The following DENND5A variants were observed in gnomAD, a reference collection of about 807,000 sequenced individuals.
DENND5A encodes the protein DENN domain-containing protein 5A.
Under a neutral mutation model 140.3 loss-of-function variants are expected in DENND5A, and 64 were observed. The ratio of observed to expected loss-of-function variants is 0.46; its 90% CI spans 0.37 to 0.56. The LOEUF is 0.56. Ranked by LOEUF, DENND5A falls within the 20% of genes least tolerant of loss-of-function variation. DENND5A has a pLI of 0.00. For synonymous variants in DENND5A, 605 were observed against 607.7 expected (o/e 1.00, Z 0.07); for missense variants, 1,292 against 1,593.8 (o/e 0.81, Z 3.22).
At chr11:9,210,578 C>G (rs1362288325) in intron 1 of DENND5A, among the ~76,000 whole-genome samples, 2 of 152,192 alleles carry the variant, frequency 1.3e-5, no homozygotes, top group Non-Finnish European at 2.9e-5. Flanking sequence ...AGGTCACACT[C>G]TGTTGCCCAG....
At chr11:9,184,051 CA>C (rs913339408) in intron 5 of DENND5A, among the ~76,000 whole-genome samples, 69 of 138,118 alleles carry the variant, frequency 5.0e-4, no homozygotes, top group South Asian at 6.9e-4. Context: ...AACTCCATCT[CA>C]AAAAAAAAAA....
intron 1 of DENND5A, among the ~76,000 whole-genome samples, chr11:9,244,102 T>C (rs1267046423): frequency 6.6e-6 from 1 of 152,180 alleles, no homozygotes; most frequent in Non-Finnish European, 1.5e-5. Flanking sequence ...AGAGAATTAG[T>C]GCCCCTAACC....
chr11:9,248,633 A>C (rs1243861578), intron 1 of DENND5A, among the ~76,000 whole-genome samples: 1 of 151,174 alleles, frequency 6.6e-6, no homozygotes, highest in East Asian at 2.0e-4. Context: ...CAGCCTGGGC[A>C]AAAGAGAGGG....
intron 20 of DENND5A, 29 bp downstream of exon 20, chr11:9,143,374 G>A (rs746789183): frequency 6.3e-7 from 1 of 1,576,844 alleles, no homozygotes; most frequent in Non-Finnish European, 8.7e-7. Context: ...TCAATGTAAG[G>A]CCCTGGATTG....
chr11:9,236,145 C>G (rs948075781), intron 1 of DENND5A, among the ~76,000 whole-genome samples: 3 of 151,796 alleles, frequency 2.0e-5, no homozygotes, highest in African/African-American at 7.3e-5. Context: ...ATCACATGAG[C>G]CCAGGAGGTC....
At chr11:9,221,919 G>A (rs61877902) in intron 1 of DENND5A, among the ~76,000 whole-genome samples, 18,346 of 151,716 alleles carry the variant, frequency 0.12, 1,164 homozygotes, top group South Asian at 0.16. Context: ...CACCACGCCC[G>A]GCTAATTTTT....
intron 5 of DENND5A, among the ~76,000 whole-genome samples, chr11:9,189,974 C>T (rs1027051575): frequency 2.6e-5 from 4 of 152,306 alleles, no homozygotes; most frequent in Middle Eastern, 3.4e-3. Flanking sequence ...GTGACCTGGA[C>T]GTGAGACACG....
chr11:9,226,900 G>A (rs1445482938), intron 1 of DENND5A, among the ~76,000 whole-genome samples: 1 of 152,148 alleles, frequency 6.6e-6, no homozygotes, highest in Non-Finnish European at 1.5e-5. Context: ...CGAGAGTGGT[G>A]ACTCACACCT....
At chr11:9,220,319 G>A (rs958491856) in intron 1 of DENND5A, among the ~76,000 whole-genome samples, 8 of 152,046 alleles carry the variant, frequency 5.3e-5, no homozygotes, top group East Asian at 1.9e-4. Flanking sequence ...AGGCCGACGC[G>A]GGCAGATCAC....
At chr11:9,165,701 T>A (rs182577801) in intron 11 of DENND5A, 135 bp downstream of exon 11, 2 of 1,076,850 alleles carry the variant, frequency 1.9e-6, no homozygotes, top group Non-Finnish European at 2.7e-6. Flanking sequence ...CCCAAAGTGT[T>A]GGGATTACAG....
chr11:9,239,994 T>G (rs567779469), intron 1 of DENND5A, among the ~76,000 whole-genome samples: 87 of 152,290 alleles, frequency 5.7e-4, no homozygotes, highest in African/African-American at 1.9e-3. Flanking sequence ...TTGTTCAGGG[T>G]CACACCCAGA....
intron 6 of DENND5A, 137 bp downstream of exon 6, chr11:9,180,630 C>T (rs906518367): frequency 2.5e-5 from 20 of 802,578 alleles, no homozygotes; most frequent in Non-Finnish European, 3.8e-5. Context: ...TTCAGAGTCC[C>T]CCATACAGAA....
At chr11:9,222,638 A>C (rs1850358877) in intron 1 of DENND5A, among the ~76,000 whole-genome samples, 1 of 152,244 alleles carries the variant, frequency 6.6e-6, no homozygotes, top group Non-Finnish European at 1.5e-5. Flanking sequence ...GCCAGACATA[A>C]GATCAGAGAA....
rs147036102 is a variant in DENND5A at position 9,184,493 on chromosome 11, G to A, written c.1138-3409C>T. Among the ~76,000 whole-genome samples the A allele has an allele frequency of 4.4e-3, 676 of 152,302 alleles. 1 individual carries two copies. Among genetic ancestry groups the A allele is most frequent in the Non-Finnish European group, 7.4e-3 (501 of 68,028 alleles). ...GTAGAACCACAGTGTTGTAAGGTAT[G>A]CAAATATCCCACTTTAGAAAATGAT... On this transcript the variant is annotated intron_variant, in intron 5 of 22. Transcript: ENST00000328194.
Position 9,255,182 on chromosome 11 carries a change from A to G in DENND5A, c.109+9779T>C, listed in dbSNP as rs192272701. Among the ~76,000 whole-genome samples the G allele has an allele frequency of 4.5e-3, 691 of 152,364 alleles. 2 individuals are homozygous for G. The highest frequency in any genetic ancestry group is 5.7e-3 in the Non-Finnish European group (387 of 68,032). Reference sequence around the variant, plus strand: ...CTTACAGCCACTAAGATGGCTATAAACCAATAGATAAGTATTGGTAAGGAT... The same window carrying G: ...CTTACAGCCACTAAGATGGCTATAAGCCAATAGATAAGTATTGGTAAGGAT... On this transcript the variant is annotated intron_variant, in intron 1 of 22. Coordinates refer to ENST00000328194, the MANE Select transcript of DENND5A (RefSeq NM_015213.4).
At chr11:9,243,663 G>A (rs574578577) in intron 1 of DENND5A, among the ~76,000 whole-genome samples, 41 of 152,268 alleles carry the variant, frequency 2.7e-4, no homozygotes, top group Non-Finnish European at 4.1e-4. Flanking sequence ...CAAGGTAGGC[G>A]GATTACAAGG....
intron 1 of DENND5A, among the ~76,000 whole-genome samples, chr11:9,249,087 G>A (rs2136286644): frequency 6.6e-6 from 1 of 152,128 alleles, no homozygotes; most frequent in East Asian, 1.9e-4. Flanking sequence ...AATTAGCCGG[G>A]CGTGGTGGTG....
chr11:9,166,883 C>A (rs1848209417), intron 10 of DENND5A, among the ~76,000 whole-genome samples: 1 of 151,604 alleles, frequency 6.6e-6, no homozygotes, highest in African/African-American at 2.4e-5. Context: ...AAAAAAGATA[C>A]AAGAGTCAAA....
chr11:9,255,446 G>A (rs995059431), intron 1 of DENND5A, among the ~76,000 whole-genome samples: 11 of 151,902 alleles, frequency 7.2e-5, no homozygotes, highest in African/African-American at 1.5e-4. Context: ...AAAATTAGTC[G>A]GGCAGCCAGG....
Sources: allele counts gnomAD v4.1 joint callset (sites outside exome capture counted in the v4.1 genomes callset), GRCh38; gene constraint gnomAD v4.1.1; transcripts MANE v1.5; gene names NCBI Gene and HGNC (gene_info 2026-07-23, HGNC 2026-07-21).